SCAI: variants seen among roughly 807,000 people sequenced by gnomAD.
The protein encoded by SCAI is protein SCAI.
A neutral mutation model predicts 92.2 loss-of-function variants in SCAI; 24 were observed. That is an observed-to-expected ratio of 0.26 (90% confidence interval 0.19 to 0.37). The LOEUF is 0.37. SCAI is among the 10% of genes least tolerant of loss of function. The pLI, the probability that SCAI is intolerant of heterozygous loss-of-function variation, is 1.00. For synonymous variants in SCAI, 261 were observed against 258.6 expected, an observed-to-expected ratio of 1.01 and a Z score of -0.09; for missense variants, 450 against 736.2, an observed-to-expected ratio of 0.61 and a Z score of 4.50.
intron 2 of SCAI, among the ~76,000 whole-genome samples, chr9:125,138,261 T>C (rs955376620): frequency 2.0e-5 from 3 of 148,406 alleles, no homozygotes; most frequent in Non-Finnish European, 3.0e-5. Context: ...TTTTTTTTTT[T>C]TTTTTTTTTT....
At chr9:124,965,990 C>T (rs1401178934) in intron 17 of SCAI, among the ~76,000 whole-genome samples, 1 of 152,168 alleles carries the variant, frequency 6.6e-6, no homozygotes, top group Admixed American at 6.5e-5. Flanking sequence ...GCAGTACTTG[C>T]AACACTTGAG....
chr9:125,131,911 C>A (rs1835409037), intron 2 of SCAI, among the ~76,000 whole-genome samples: 1 of 152,150 alleles, frequency 6.6e-6, no homozygotes, highest in Admixed American at 6.6e-5. Flanking sequence ...GATCTAAACT[C>A]CTGGAGATAA....
At chr9:125,132,633 C>T (rs749173656) in intron 2 of SCAI, among the ~76,000 whole-genome samples, 1 of 152,098 alleles carries the variant, frequency 6.6e-6, no homozygotes, top group Non-Finnish European at 1.5e-5. Flanking sequence ...ATGTTCTTAC[C>T]GTCCCAAACT....
At chr9:125,101,037 C>A (rs1834667009) in intron 2 of SCAI, among the ~76,000 whole-genome samples, 1 of 152,080 alleles carries the variant, frequency 6.6e-6, no homozygotes, top group Admixed American at 6.6e-5. Context: ...CCAGCCTGGG[C>A]AACACAGTGA....
Position 125,001,887 on chromosome 9 carries a change from G to C in SCAI, c.1144+78C>G, listed in dbSNP as rs1296714702. On this transcript the variant is annotated intron_variant, in intron 12 of 17. Coordinates refer to ENST00000336505, the MANE Select transcript of SCAI (RefSeq NM_001144877.3). ...GTCTAGAAAGGCTGAGATGGTCTGT[G>C]GGCTACGGGCCATCGTCTTGTAGAA... 4 of 989,028 alleles carry C rather than the reference G, an allele frequency of 4.0e-6. No homozygotes were observed. The East Asian group carries it at 7.3e-5, about 18-fold the overall frequency. 61.3% of individuals were successfully genotyped at this position (989,028 alleles called of 1,614,324 possible). A position where few individuals can be genotyped will look rare whatever the true frequency, so the allele number is the denominator to read the frequency against.
chr9:125,090,196 C>A (rs986098462), intron 2 of SCAI, among the ~76,000 whole-genome samples: 1 of 152,064 alleles, frequency 6.6e-6, no homozygotes, highest in Admixed American at 6.5e-5. Flanking sequence ...ATGAATACTA[C>A]AAGATTTTAT....
At chr9:125,044,462 A>G (rs943897122) in intron 3 of SCAI, among the ~76,000 whole-genome samples, 4 of 151,936 alleles carry the variant, frequency 2.6e-5, no homozygotes, top group Non-Finnish European at 5.9e-5. Context: ...CAACTACTAC[A>G]GGTCTCCTCT....
At chr9:124,961,056 T>G (rs887251861) in intron 17 of SCAI, among the ~76,000 whole-genome samples, 3 of 150,944 alleles carry the variant, frequency 2.0e-5, no homozygotes, top group African/African-American at 7.3e-5. Context: ...CCCAGGAGAC[T>G]GAGGCTGCAG....
rs552575777 is a variant in SCAI at position 125,109,358 on chromosome 9, A to T, written c.98+33275T>A. Among the ~76,000 whole-genome samples, 49 of 152,018 alleles carry T rather than the reference A, an allele frequency of 3.2e-4. No homozygotes were observed. In the East Asian group the frequency reaches 8.7e-3, roughly 27 times the overall value. On this transcript the variant is annotated intron_variant, in intron 2 of 17. Coordinates refer to ENST00000336505, the MANE Select transcript of SCAI (RefSeq NM_001144877.3). ...GAAACACCCAAGAATTATCAATTTT[A>T]AAAAATAATAATAATAATAATAATA...
At chr9:125,096,166 G>C (rs537465461) in intron 2 of SCAI, among the ~76,000 whole-genome samples, 1 of 152,198 alleles carries the variant, frequency 6.6e-6, no homozygotes, top group Non-Finnish European at 1.5e-5. Context: ...TAATGGGGGT[G>C]CCTCATAATC....
rs564205098 is a variant in SCAI, at chr9:125,133,091, C to T, written c.98+9542G>A. Among the ~76,000 whole-genome samples the T allele has an allele frequency of 2.6e-5, 4 of 152,100 alleles. 1 individual carries two copies. Among genetic ancestry groups the T allele is most frequent in the Admixed American group, 2.6e-4 (4 of 15,258 alleles). ...GGAGAAAACATAAGCAAAACACATA[C>T]CTAATAATGAATTTGTGGCCAGGCA... is the stretch of plus-strand genomic sequence containing the variant. On this transcript the variant is annotated intron_variant, in intron 2 of 17. Transcript: ENST00000336505.
chr9:125,076,264 C>T (rs934166171), intron 2 of SCAI, among the ~76,000 whole-genome samples: 4 of 151,456 alleles, frequency 2.6e-5, no homozygotes, highest in South Asian at 2.1e-4. Context: ...TTTGGGAGGC[C>T]GAGGCAGGCA....
intron 2 of SCAI, among the ~76,000 whole-genome samples, chr9:125,066,467 T>TATTTA (rs34572480): frequency 1.7e-3 from 250 of 151,390 alleles, no homozygotes; most frequent in Non-Finnish European, 2.8e-3. Flanking sequence ...TTTATTTATT[T>TATTTA]TTTTTTGAGA....
At position 125,102,753 on chromosome 9, in the gene SCAI, A is replaced by G. The variant is rs574769294; in HGVS notation, c.98+39880T>C. Among the ~76,000 whole-genome samples, 10 of 152,286 alleles carry G rather than the reference A, an allele frequency of 6.6e-5. No homozygotes were observed. In the Middle Eastern group the frequency reaches 0.01, roughly 155 times the overall value. On this transcript the variant is annotated intron_variant, in intron 2 of 17. Transcript: ENST00000336505. ...GCTGGGATTACAGGACCCCGCAACCATGCCCAGCTAATCTTTGTATTTTCA... is the reference window on the plus strand; with the variant it reads ...GCTGGGATTACAGGACCCCGCAACCGTGCCCAGCTAATCTTTGTATTTTCA...
In SCAI at chr9:125,003,655, C is replaced by CT. The variant is rs1392696170; in HGVS notation, c.862-86dup. 3.7e-6 allele frequency: 3 copies of CT among 812,844 alleles called. No homozygotes were observed. The African/African-American group carries it at 5.2e-5, about 14-fold the overall frequency. The allele number at this position is 812,844 out of a possible 1,614,324, so 50.4% of individuals were successfully genotyped here. On this transcript the variant is annotated intron_variant, in intron 9 of 17. Transcript: ENST00000336505. ...ACTTTTATCACGTTACTAGTTGTGACTTTCACATGTACTTCAGGGCTTTGG... is the reference window on the plus strand; with the variant it reads ...ACTTTTATCACGTTACTAGTTGTGACTTTTCACATGTACTTCAGGGCTTTGG...
At chr9:124,969,662 GA>G (rs1288929357) in intron 17 of SCAI, among the ~76,000 whole-genome samples, 1 of 152,246 alleles carries the variant, frequency 6.6e-6, no homozygotes. Flanking sequence ...AAGGATTACA[GA>G]AATAGCAACT....
intron 12 of SCAI, among the ~76,000 whole-genome samples, chr9:125,000,418 A>AGCAGGAGGACT (rs1832331136): frequency 6.6e-6 from 1 of 152,112 alleles, no homozygotes. Context: ...GGGAGGCTGA[A>AGCAGGAGGACT]GCAGGAGGAC....
chr9:125,108,844 C>T (rs1002917069), intron 2 of SCAI, among the ~76,000 whole-genome samples: 1 of 152,238 alleles, frequency 6.6e-6, no homozygotes, highest in African/African-American at 2.4e-5. Context: ...CGGCCACCAC[C>T]CCGTCTGGGA....
intron 2 of SCAI, among the ~76,000 whole-genome samples, chr9:125,129,452 T>G (rs1302382882): frequency 7.5e-6 from 1 of 133,290 alleles, no homozygotes; most frequent in East Asian, 2.4e-4. Context: ...GAATTAGAAT[T>G]TCTTTTTTTT....
Sources: gnomAD v4.1 joint callset for allele counts (sites outside exome capture counted in the v4.1 genomes callset) on GRCh38, gnomAD v4.1.1 for gene constraint, MANE v1.5 for transcripts, NCBI Gene and HGNC (gene_info 2026-07-23, HGNC 2026-07-21) for gene names.